Variants in PTK2B observed in about 807,000 individuals in gnomAD.
PTK2B encodes the protein protein tyrosine kinase 2 beta.
PTK2B carries 71 observed loss-of-function variants against 142.9 expected under a neutral mutation model. That is an observed-to-expected ratio of 0.50 (90% CI 0.41 to 0.61). PTK2B has a LOEUF of 0.61. Among genes scored for constraint, PTK2B ranks in the 20% least tolerant of loss-of-function variants. PTK2B has a pLI of 0.00. For synonymous variants in PTK2B, 519 were observed against 503.4 expected (o/e 1.03, Z -0.42); for missense variants, 1,105 against 1,320.4 (o/e 0.84, Z 2.53).
intron 2 of PTK2B, among the ~76,000 whole-genome samples, chr8:27,407,631 C>T (rs979394413): frequency 2.0e-5 from 3 of 152,266 alleles, no homozygotes; most frequent in East Asian, 1.9e-4. Context: ...CAGGTGCTCC[C>T]GGGAGGTGGG....
intron 2 of PTK2B, among the ~76,000 whole-genome samples, chr8:27,405,281 G>T (rs1017693945): frequency 2.9e-4 from 44 of 152,134 alleles, no homozygotes; most frequent in Admixed American, 2.7e-3. Flanking sequence ...GCCTGGAAGA[G>T]CAGTCTCAGG....
In PTK2B at chr8:27,397,793, G is replaced by A; in HGVS notation, c.204+5G>A. The stretch of plus-strand genomic sequence containing the variant: ...ACTGTCCAGACGGAGATCCGGGTAA[G>A]TGTGAAGTGTCTGCCCTGTCCATCT... On this transcript the variant is annotated splice_donor_5th_base_variant and intron_variant, in intron 2 of 30. Transcript: ENST00000346049. The A allele has an allele frequency of 6.2e-7, 1 of 1,613,804 alleles. No individual in the cohort carries two copies.
At chr8:27,453,256 A>G in intron 28 of PTK2B, 96 bp downstream of exon 28, 1 of 1,528,374 alleles carries the variant, frequency 6.5e-7, no homozygotes, top group Non-Finnish European at 9.0e-7. Flanking sequence ...CTCAGATAGA[A>G]TCCAGTTCAG....
At chr8:27,449,131 CA>C (rs1811654336) in intron 24 of PTK2B, among the ~76,000 whole-genome samples, 1 of 152,144 alleles carries the variant, frequency 6.6e-6, no homozygotes, top group Non-Finnish European at 1.5e-5. Context: ...TGTCTGGCTC[CA>C]AATGTCAGTA....
In PTK2B at chr8:27,395,880, C is replaced by T. The variant is rs59036736; in HGVS notation, c.-37-1668C>T. ...ATTCCTTGTTGAAGGTCAGGGGATC[C>T]GGGTTACATCTTCACTACATAGCAG... On this transcript the variant is annotated intron_variant, in intron 1 of 30. Transcript: ENST00000346049. 6.2e-3 allele frequency among the ~76,000 whole-genome samples: 944 copies of T among 152,244 alleles called. 11 individuals carry two copies. The highest frequency in any genetic ancestry group is 0.022 in the African/African-American group (910 of 41,530).
At chr8:27,404,935 A>G (rs780365146) in intron 2 of PTK2B, among the ~76,000 whole-genome samples, 3 of 151,912 alleles carry the variant, frequency 2.0e-5, no homozygotes, top group Non-Finnish European at 4.4e-5. Context: ...AGGTGAGGTC[A>G]TGAGAGTGGG....
intron 1 of PTK2B, among the ~76,000 whole-genome samples, chr8:27,326,565 A>C (rs1053969556): frequency 6.6e-6 from 1 of 152,114 alleles, no homozygotes; most frequent in Non-Finnish European, 1.5e-5. Context: ...GCCAGGAGGA[A>C]CTCGGAAGCT....
intron 1 of PTK2B, among the ~76,000 whole-genome samples, chr8:27,386,841 C>G (rs1296307789): frequency 6.7e-6 from 1 of 148,982 alleles, no homozygotes; most frequent in Non-Finnish European, 1.5e-5. Flanking sequence ...TACAGTTAGA[C>G]TTGGGTTTAT....
intron 7 of PTK2B, 72 bp from the exon 8 acceptor site, chr8:27,430,804 G>T: frequency 1.3e-6 from 2 of 1,558,552 alleles, no homozygotes; most frequent in Non-Finnish European, 1.7e-6. Flanking sequence ...CAGTCTCTCA[G>T]CGAGACCCTA....
chr8:27,435,675 C>T, intron 13 of PTK2B, 68 bp from the exon 14 acceptor site: 6 of 1,576,560 alleles, frequency 3.8e-6, no homozygotes, highest in South Asian at 2.2e-5. Context: ...GGGAGCCCCA[C>T]ACCTGATTCC....
intron 1 of PTK2B, among the ~76,000 whole-genome samples, chr8:27,382,885 G>A (rs530393145): frequency 1.3e-5 from 2 of 152,152 alleles, no homozygotes; most frequent in Admixed American, 6.5e-5. Flanking sequence ...GTATTTCTGG[G>A]TTCTCTATTC....
chr8:27,397,438 A>G (rs375280807), intron 1 of PTK2B, 110 bp from the exon 2 acceptor site: 56 of 809,952 alleles, frequency 6.9e-5, no homozygotes, highest in East Asian at 6.6e-4. Context: ...ATGGGAGAAT[A>G]TATAGCATTT....
At chr8:27,439,242 G>A (rs1479167828) in intron 19 of PTK2B, 67 bp from the exon 20 acceptor site, 17 of 1,562,160 alleles carry the variant, frequency 1.1e-5, no homozygotes, top group Non-Finnish European at 1.5e-5. Context: ...TCTTCAGAAA[G>A]TAGGATGTAT....
chr8:27,313,705 G>C (rs537805031), intron 3 of PTK2B, among the ~76,000 whole-genome samples: 1 of 152,128 alleles, frequency 6.6e-6, no homozygotes, highest in African/African-American at 2.4e-5. Context: ...GAATGCCCCC[G>C]GAAGGTCATA....
At chr8:27,311,256 G>A (rs1802953671), upstream of PTK2B, 6 of 1,483,430 alleles carry the variant, frequency 4.0e-6, no homozygotes, top group Non-Finnish European at 4.5e-6. Flanking sequence ...GCCGGCTCGG[G>A]CGCCCGGAAC....
chr8:27,320,744 A>G (rs964645814), upstream of PTK2B, among the ~76,000 whole-genome samples: 1 of 152,022 alleles, frequency 6.6e-6, no homozygotes, highest in Non-Finnish European at 1.5e-5. Context: ...GCTCTGAACC[A>G]TGTTCTTTTG....
chr8:27,439,498 C>T lies in PTK2B; in HGVS notation c.1834+100C>T, dbSNP rs73572008. 1.8e-3 allele frequency: 2,287 copies of T among 1,279,582 alleles called. 34 individuals are homozygous for T. In the African/African-American group the frequency reaches 0.03, roughly 17 times the overall value. 79.3% of individuals were successfully genotyped at this position (1,279,582 alleles called of 1,614,324 possible). The stretch of plus-strand genomic sequence containing the variant: ...AGGGAGCAGGGGTCTGACCTCCACC[C>T]TCCGTTCCCAGGGTTCTATTTTGCT... On this transcript the variant is annotated intron_variant, in intron 20 of 30. Coordinates refer to ENST00000346049, the MANE Select transcript of PTK2B (RefSeq NM_173176.3).
At chr8:27,445,694 G>C in intron 23 of PTK2B, 100 bp from the exon 24 acceptor site, 2 of 1,530,270 alleles carry the variant, frequency 1.3e-6, no homozygotes, top group African/African-American at 1.4e-5. Flanking sequence ...ATTCCCTGTG[G>C]TGCTCATGCA....
intron 2 of PTK2B, among the ~76,000 whole-genome samples, chr8:27,412,738 T>A (rs1809146281): frequency 6.6e-6 from 1 of 152,186 alleles, no homozygotes; most frequent in East Asian, 1.9e-4. Context: ...GACCTCGAGT[T>A]AAATTTTCCT....
Sources: gnomAD v4.1 joint callset for allele counts (sites outside exome capture counted in the v4.1 genomes callset) on GRCh38, gnomAD v4.1.1 for gene constraint, MANE v1.5 for transcripts, NCBI Gene and HGNC (gene_info 2026-07-23, HGNC 2026-07-21) for gene names.